Variants in GRID2 observed in about 807,000 individuals in gnomAD.
GRID2 encodes the protein glutamate receptor ionotropic, delta-2.
Under a neutral mutation model 114.8 loss-of-function variants are expected in GRID2, and 33 were observed. That is an observed-to-expected ratio of 0.29 (90% CI 0.22 to 0.38). GRID2 has a LOEUF of 0.38. Ranked by LOEUF, GRID2 falls within the 10% of genes least tolerant of loss-of-function variation. The pLI is 1.00. For synonymous variants in GRID2, 505 were observed against 449.9 expected (o/e 1.12, Z -1.55); for missense variants, 1,184 against 1,257.7 (o/e 0.94, Z 0.89).
At chr4:92,649,127 T>G (rs1731800066) in intron 2 of GRID2, among the ~76,000 whole-genome samples, 1 of 111,678 alleles carries the variant, frequency 9.0e-6, no homozygotes, top group South Asian at 3.0e-4. Context: ...TACTACTTAC[T>G]ACTTAACTAC....
intron 2 of GRID2, among the ~76,000 whole-genome samples, chr4:93,002,797 A>G (rs768806523): frequency 1.3e-5 from 2 of 151,732 alleles, no homozygotes; most frequent in African/African-American, 2.4e-5. Flanking sequence ...ATTTTCTTAC[A>G]TTTCTGGAGA....
chr4:92,604,789 G>A lies in GRID2; in HGVS notation c.244+14503G>A, dbSNP rs192345737. Among the ~76,000 whole-genome samples the A allele has an allele frequency of 3.7e-4, 57 of 152,136 alleles. 1 individual carries two copies. Among genetic ancestry groups the A allele is most frequent in the East Asian group, 1.7e-3 (9 of 5,172 alleles). On this transcript the variant is annotated intron_variant, in intron 2 of 15. Transcript: ENST00000282020. Reference sequence around the variant, plus strand: ...CAGCTTACCCACAATTTATGCCAGGGATCCATGTGAGCACAGAATAAATCA... The same window carrying A: ...CAGCTTACCCACAATTTATGCCAGGAATCCATGTGAGCACAGAATAAATCA...
intron 1 of GRID2, among the ~76,000 whole-genome samples, chr4:92,378,260 A>C (rs975407385): frequency 2.0e-5 from 3 of 152,094 alleles, no homozygotes; most frequent in African/African-American, 7.2e-5. Context: ...TAGACATATT[A>C]AACTATTAAG....
intron 13 of GRID2, among the ~76,000 whole-genome samples, chr4:93,603,419 G>A (rs1341780394): frequency 6.6e-6 from 1 of 152,114 alleles, no homozygotes; most frequent in Non-Finnish European, 1.5e-5. Flanking sequence ...AAATTTAGAA[G>A]ATAAGAGCTT....
intron 1 of GRID2, among the ~76,000 whole-genome samples, chr4:92,557,635 ATATATATGGT>A (rs57780177): frequency 0.018 from 2,112 of 118,882 alleles, 53 homozygotes; most frequent in African/African-American, 0.061. Context: ...CACTGCATAT[ATATATATGGT>A]TATATATATA....
intron 1 of GRID2, among the ~76,000 whole-genome samples, chr4:92,418,606 A>G (rs1731738203): frequency 6.6e-6 from 1 of 152,084 alleles, no homozygotes; most frequent in African/African-American, 2.4e-5. Context: ...AGTAGAGATG[A>G]ATTGCTAACA....
At chr4:93,545,880 A>G (rs1479026812) in intron 13 of GRID2, among the ~76,000 whole-genome samples, 1 of 152,240 alleles carries the variant, frequency 6.6e-6, no homozygotes, top group Admixed American at 6.5e-5. Flanking sequence ...CAGTAGTGAC[A>G]AAAACCAGGA....
At chr4:93,004,663 T>C (rs907207766) in intron 2 of GRID2, among the ~76,000 whole-genome samples, 10 of 151,952 alleles carry the variant, frequency 6.6e-5, no homozygotes, top group African/African-American at 2.4e-4. Flanking sequence ...GTGTCACATC[T>C]TCCACTCCCC....
At chr4:93,622,157 G>A (rs1385781227) in intron 13 of GRID2, among the ~76,000 whole-genome samples, 1 of 152,068 alleles carries the variant, frequency 6.6e-6, no homozygotes. Context: ...TAGACCTAGG[G>A]AGCTATAAGC....
chr4:93,017,341 G>A (rs546183668), intron 2 of GRID2, among the ~76,000 whole-genome samples: 1 of 152,218 alleles, frequency 6.6e-6, no homozygotes, highest in East Asian at 1.9e-4. Context: ...TGACAGGGTA[G>A]CCTTTTTTAG....
chr4:93,590,630 G>A lies in GRID2; in HGVS notation c.2194-35639G>A, dbSNP rs530358985. Among the ~76,000 whole-genome samples, 588 of 152,174 alleles carry A rather than the reference G, an allele frequency of 3.9e-3. 2 individuals are homozygous for A. Among genetic ancestry groups the A allele is most frequent in the African/African-American group, 0.014 (561 of 41,498 alleles). On this transcript the variant is annotated intron_variant, in intron 13 of 15. Coordinates refer to ENST00000282020, the MANE Select transcript of GRID2 (RefSeq NM_001510.4). ...GCTTGATGGGGATAGCATTGAATCTGTAAATTACCTTGGGCAGTATGGCCA... is the reference window on the plus strand; with the variant it reads ...GCTTGATGGGGATAGCATTGAATCTATAAATTACCTTGGGCAGTATGGCCA...
intron 15 of GRID2, 65 bp from the exon 16 acceptor site, chr4:93,772,009 CTT>C (rs879050000): frequency 8.8e-4 from 683 of 776,282 alleles, no homozygotes; most frequent in Non-Finnish European, 1.1e-3. Flanking sequence ...TGCTGAACTA[CTT>C]TTTTTTTTTT....
chr4:93,266,806 G>T (rs1459700011), intron 8 of GRID2, among the ~76,000 whole-genome samples: 1 of 152,202 alleles, frequency 6.6e-6, no homozygotes, highest in Non-Finnish European at 1.5e-5. Flanking sequence ...AGTACGTGTA[G>T]TGTTGGGTTT....
intron 8 of GRID2, among the ~76,000 whole-genome samples, chr4:93,370,439 GCA>G (rs139682754): frequency 0.16 from 21,313 of 129,928 alleles, 1,769 homozygotes; most frequent in African/African-American, 0.26. Flanking sequence ...GCACACACAG[GCA>G]CACACACACA....
intron 1 of GRID2, among the ~76,000 whole-genome samples, chr4:92,457,849 G>A (rs779500862): frequency 2.6e-4 from 40 of 152,244 alleles, no homozygotes; most frequent in Middle Eastern, 3.4e-3. Flanking sequence ...GATTTGTGTA[G>A]CACTCTTGCA....
At chr4:93,196,698 A>G (rs1741528001) in intron 4 of GRID2, among the ~76,000 whole-genome samples, 1 of 152,184 alleles carries the variant, frequency 6.6e-6, no homozygotes, top group Admixed American at 6.6e-5. Context: ...CTGTCTAACT[A>G]CAGAAACTAG....
At chr4:93,735,628 G>A (rs938789557) in intron 14 of GRID2, among the ~76,000 whole-genome samples, 1 of 151,886 alleles carries the variant, frequency 6.6e-6, no homozygotes, top group Admixed American at 6.6e-5. Flanking sequence ...ATAATTTCAG[G>A]CATTAAATGA....
At chr4:93,157,036 G>A (rs1737247368) in intron 4 of GRID2, among the ~76,000 whole-genome samples, 1 of 151,710 alleles carries the variant, frequency 6.6e-6, no homozygotes, top group Admixed American at 6.6e-5. Flanking sequence ...ACAAAAGAAT[G>A]AGACTGTGTC....
chr4:93,531,087 A>G (rs962596475), intron 13 of GRID2, among the ~76,000 whole-genome samples: 1 of 152,142 alleles, frequency 6.6e-6, no homozygotes, highest in Non-Finnish European at 1.5e-5. Context: ...GCCATGTAGA[A>G]TTATGTTTCA....
Sources: allele counts gnomAD v4.1 joint callset (sites outside exome capture counted in the v4.1 genomes callset), GRCh38; gene constraint gnomAD v4.1.1; transcripts MANE v1.5; gene names NCBI Gene and HGNC (gene_info 2026-07-23, HGNC 2026-07-21).